Variants in COG6 observed in about 807,000 individuals in gnomAD.
COG6 encodes the protein component of oligomeric golgi complex 6.
A neutral mutation model predicts 88.8 loss-of-function variants in COG6; 74 were observed. The ratio of observed to expected loss-of-function variants is 0.83; its 90% CI spans 0.69 to 1.01. The LOEUF is 1.01. Among genes scored for constraint, COG6 ranks in the 50% least tolerant of loss-of-function variants. The pLI, the probability that COG6 is intolerant of heterozygous loss-of-function variation, is 0.00. For synonymous variants in COG6, 286 were observed against 278.7 expected (o/e 1.03, Z -0.26); for missense variants, 800 against 797.9 (o/e 1.00, Z -0.03).
intron 4 of COG6, among the ~76,000 whole-genome samples, chr13:39,665,692 A>T (rs1875209990): frequency 6.7e-6 from 1 of 149,876 alleles, no homozygotes; most frequent in African/African-American, 2.5e-5. Context: ...GCTAAAACTC[A>T]TTAACTGCAT....
At chr13:39,731,719 A>AT (rs1167208445) in intron 18 of COG6, among the ~76,000 whole-genome samples, 1 of 152,124 alleles carries the variant, frequency 6.6e-6, no homozygotes, top group African/African-American at 2.4e-5. Flanking sequence ...TAATGGAGTA[A>AT]TTTTTTTGAG....
At chr13:39,773,519 C>T in intron 18 of COG6, among the ~76,000 whole-genome samples, 1 of 152,146 alleles carries the variant, frequency 6.6e-6, no homozygotes, top group Non-Finnish European at 1.5e-5. Flanking sequence ...AAAACAAAAG[C>T]CCTGAACTGA....
At chr13:39,657,478 G>A (rs1349722038) in intron 1 of COG6, among the ~76,000 whole-genome samples, 1 of 151,558 alleles carries the variant, frequency 6.6e-6, no homozygotes, top group Non-Finnish European at 1.5e-5. Context: ...CTTTGAACCA[G>A]ACCTTAGGAC....
At chr13:39,709,267 T>C (rs1437960045) in intron 13 of COG6, among the ~76,000 whole-genome samples, 1 of 152,194 alleles carries the variant, frequency 6.6e-6, no homozygotes, top group Non-Finnish European at 1.5e-5. Flanking sequence ...CCATACATAA[T>C]AGTTCCTTTT....
At chr13:39,674,397 G>A (rs908823717) in intron 4 of COG6, among the ~76,000 whole-genome samples, 1 of 151,978 alleles carries the variant, frequency 6.6e-6, no homozygotes, top group Non-Finnish European at 1.5e-5. Context: ...TGAACCTAGA[G>A]GTAGAATTAA....
chr13:39,778,273 T>G (rs1036752059), intron 18 of COG6, among the ~76,000 whole-genome samples: 1 of 152,214 alleles, frequency 6.6e-6, no homozygotes, highest in African/African-American at 2.4e-5. Flanking sequence ...AACAGGCTTC[T>G]CTGAAGTAAT....
chr13:39,735,591 C>T (rs1879695304), intron 18 of COG6, among the ~76,000 whole-genome samples: 1 of 152,044 alleles, frequency 6.6e-6, no homozygotes, highest in East Asian at 1.9e-4. Flanking sequence ...CCTAGTATTA[C>T]CAGTGTGTTT....
intron 13 of COG6, among the ~76,000 whole-genome samples, chr13:39,718,340 A>G (rs2138073036): frequency 6.6e-6 from 1 of 152,246 alleles, no homozygotes; most frequent in South Asian, 2.1e-4. Context: ...CCTACCTGCC[A>G]CTAAGATGTA....
chr13:39,706,839 A>G (rs1877958388), intron 13 of COG6, among the ~76,000 whole-genome samples: 1 of 151,864 alleles, frequency 6.6e-6, no homozygotes, highest in Non-Finnish European at 1.5e-5. Context: ...ATCCGCCACC[A>G]TCTCCAACTA....
chr13:39,667,797 A>C (rs1364150519), intron 4 of COG6, among the ~76,000 whole-genome samples: 1 of 152,212 alleles, frequency 6.6e-6, no homozygotes, highest in African/African-American at 2.4e-5. Context: ...GTTGAAAAAA[A>C]CAGAATTGTT....
At chr13:39,765,551 C>CA (rs1881139930) in intron 18 of COG6, among the ~76,000 whole-genome samples, 1 of 152,152 alleles carries the variant, frequency 6.6e-6, no homozygotes, top group Admixed American at 6.5e-5. Flanking sequence ...ATCACATTAA[C>CA]AAGTTTAAGC....
Position 39,682,200 on chromosome 13 carries a change from T to C in COG6, c.724T>C (p.Cys242Arg), listed in dbSNP as rs780259575. The change falls in exon 8 of 19, where the codon TGT becomes CGT. Residue 242 changes from cysteine (C) to arginine (R), a missense_variant. Cys to Arg is a radical substitution (Grantham distance 180). Transcript: ENST00000455146. ...ATGCAGAACATTGACACAAGAATCA[T>C]GTGACGTATCTCCAGTATTGACACA... is the stretch of plus-strand genomic sequence containing the variant. ...SECRTLTQES[C>R]DVSPVLTQAM... is the part of the protein sequence containing the mutation. The C allele has an allele frequency of 1.1e-5, 17 of 1,612,286 alleles. No homozygotes were observed. Among genetic ancestry groups the C allele is most frequent in the Non-Finnish European group, 1.4e-5 (17 of 1,178,452 alleles).
At chr13:39,743,246 C>A (rs1880147972) in intron 18 of COG6, among the ~76,000 whole-genome samples, 1 of 152,074 alleles carries the variant, frequency 6.6e-6, no homozygotes, top group African/African-American at 2.4e-5. Flanking sequence ...CAAGAAATGA[C>A]TAAGATCAGA....
At chr13:39,699,832 A>G (rs529977461) in intron 13 of COG6, among the ~76,000 whole-genome samples, 7 of 151,730 alleles carry the variant, frequency 4.6e-5, no homozygotes, top group Admixed American at 6.6e-5. Flanking sequence ...ATAATTGGAG[A>G]TGGCATCTCA....
intron 10 of COG6, 46 bp downstream of exon 10, chr13:39,687,845 C>A (rs1453724720): frequency 8.5e-6 from 11 of 1,292,918 alleles, no homozygotes; most frequent in African/African-American, 1.5e-5. Flanking sequence ...TAGAAAATAA[C>A]ACAAGCATCT....
intron 15 of COG6, 70 bp from the exon 16 acceptor site, chr13:39,723,263 G>A: frequency 1.1e-6 from 1 of 917,560 alleles, no homozygotes; most frequent in Non-Finnish European, 1.8e-6. Context: ...CAGTGCCAAT[G>A]CAAGGCACTG....
Position 39,719,791 on chromosome 13 carries a change from A to G in COG6, c.1548A>G (p.Glu516=), listed in dbSNP as rs1341364227. 1 of 1,612,624 alleles carries G rather than the reference A, an allele frequency of 6.2e-7. No individual in the cohort carries two copies. The highest frequency in any genetic ancestry group is 8.5e-7 in the Non-Finnish European group (1 of 1,179,050). ...TGAAGACAACATTAGCTCTATTTGA[A>G]TTCACTGACAGACGTCTGGAAATGC... ...YMMKTTLALF[E]FTDRRLEMLQ... is the part of the protein sequence containing the mutation. The change falls in exon 15 of 19, where the codon GAA becomes GAG. Residue 516 remains glutamate (E), a synonymous_variant. Coordinates refer to ENST00000455146, the MANE Select transcript of COG6 (RefSeq NM_020751.3).
At chr13:39,741,534 C>T (rs1047993668) in intron 18 of COG6, among the ~76,000 whole-genome samples, 8 of 151,318 alleles carry the variant, frequency 5.3e-5, no homozygotes, top group Admixed American at 3.3e-4. Flanking sequence ...TTAATGAAAT[C>T]AAGAAGAGAA....
At chr13:39,787,042 G>A (rs1338434137) in intron 18 of COG6, among the ~76,000 whole-genome samples, 2 of 152,166 alleles carry the variant, frequency 1.3e-5, no homozygotes, top group Non-Finnish European at 2.9e-5. Flanking sequence ...GAAATGGAAG[G>A]CACCACAAGT....
Sources: gnomAD v4.1 joint callset for allele counts (sites outside exome capture counted in the v4.1 genomes callset) on GRCh38, gnomAD v4.1.1 for gene constraint, MANE v1.5 for transcripts, NCBI Gene and HGNC (gene_info 2026-07-23, HGNC 2026-07-21) for gene names.